NRK: variants seen among roughly 807,000 people sequenced by gnomAD.
NRK encodes nik-related protein kinase.
In NRK, 67 loss-of-function variants were observed where a neutral mutation model predicts 125.2. The observed-to-expected ratio is 0.54, with a 90% confidence interval of 0.44 to 0.66. The LOEUF (loss-of-function observed/expected upper bound fraction) is 0.66, where lower values mean the gene tolerates loss of function less well. NRK is among the 30% of genes least tolerant of loss of function. The probability of loss-of-function intolerance (pLI) is 0.00; values close to 1 mark genes in which losing one functional copy is unlikely to be tolerated. For missense variants in NRK, 1,224 were observed against 1,192.9 expected (o/e 1.03, Z -0.38); for synonymous variants, 458 against 429.0 (o/e 1.07, Z -0.84).
chrX:105,822,358 G>A (rs757808755), upstream of NRK, among the ~76,000 whole-genome samples: 2 of 111,813 alleles, frequency 1.8e-5, no homozygotes, highest in African/African-American at 6.5e-5. Context: ...GGGCCTGCTC[G>A]CAAACCGTTA....
intron 19 of NRK, among the ~76,000 whole-genome samples, chrX:105,925,325 C>T (rs1451017947): frequency 9.0e-6 from 1 of 110,910 alleles, no homozygotes; most frequent in Non-Finnish European, 1.9e-5. Flanking sequence ...AATTAATTGA[C>T]ACCTAATAAT....
chrX:105,848,325 A>G (rs750566021), intron 2 of NRK, among the ~76,000 whole-genome samples: 2 of 111,631 alleles, frequency 1.8e-5, no homozygotes, highest in Non-Finnish European at 3.8e-5. Flanking sequence ...TTTCCCAGGT[A>G]TTACCTAATA....
chrX:105,929,335 G>A (rs1602684703), intron 19 of NRK, among the ~76,000 whole-genome samples: 1 of 111,413 alleles, frequency 9.0e-6, no homozygotes, highest in African/African-American at 3.3e-5. Flanking sequence ...CTGTTTACAT[G>A]GAATATCTTT....
At chrX:105,953,283 AT>A in intron 28 of NRK, 110 bp downstream of exon 28, 1 of 640,655 alleles carries the variant, frequency 1.6e-6, no homozygotes, top group African/African-American at 2.3e-5. Flanking sequence ...TTTGTGGTAT[AT>A]TTTTTCAAAC....
At chrX:105,860,402 A>G (rs2039587020) in intron 2 of NRK, among the ~76,000 whole-genome samples, 1 of 111,379 alleles carries the variant, frequency 9.0e-6, no homozygotes, top group East Asian at 2.9e-4. Context: ...TTTAAAAATA[A>G]CAGCTTTATT....
In NRK at chrX:105,822,750, C is replaced by T; in HGVS notation, c.-96C>T. The T allele has an allele frequency of 3.6e-6, 3 of 841,592 alleles. No homozygotes were observed. The South Asian group carries it at 6.5e-5, about 18-fold the overall frequency. The allele number at this position is 841,592 out of a possible 1,213,427, so 69.4% of individuals were successfully genotyped here. Reference sequence around the variant, plus strand: ...CAGACTCCTCTCTCCCGCCCTCCTCCTTCCTCTCTCCTCCCTTCAACTCTT... The same window carrying T: ...CAGACTCCTCTCTCCCGCCCTCCTCTTTCCTCTCTCCTCCCTTCAACTCTT... On this transcript the variant is annotated 5_prime_UTR_variant, in exon 1 of 29. Coordinates refer to ENST00000243300, the MANE Select transcript of NRK (RefSeq NM_198465.4).
At chrX:105,878,737 C>T (rs1024981235) in intron 2 of NRK, among the ~76,000 whole-genome samples, 2 of 111,111 alleles carry the variant, frequency 1.8e-5, no homozygotes, top group Admixed American at 1.9e-4. Context: ...GGCTGGCATG[C>T]TCCGCCCTAA....
intron 2 of NRK, among the ~76,000 whole-genome samples, chrX:105,833,205 CTATT>C (rs1445761205): frequency 9.0e-6 from 1 of 110,907 alleles, no homozygotes; most frequent in Admixed American, 9.7e-5. Flanking sequence ...TTGATCATAT[CTATT>C]AACAGAACCA....
intron 2 of NRK, among the ~76,000 whole-genome samples, chrX:105,841,337 A>G (rs904788186): frequency 7.1e-5 from 8 of 111,988 alleles, no homozygotes; most frequent in Non-Finnish European, 1.1e-4. Context: ...TTTATCCTGC[A>G]GTTTTATTTT....
intron 13 of NRK, among the ~76,000 whole-genome samples, chrX:105,910,982 G>C (rs1293732149): frequency 9.0e-6 from 1 of 111,663 alleles, no homozygotes; most frequent in African/African-American, 3.3e-5. Flanking sequence ...CAAGGTCTAC[G>C]TGAGTCTAGG....
At chrX:105,919,813 G>A (rs1296262901) in intron 16 of NRK, among the ~76,000 whole-genome samples, 3 of 111,379 alleles carry the variant, frequency 2.7e-5, no homozygotes, top group Admixed American at 9.6e-5. Flanking sequence ...AGATGAGTAG[G>A]TTGCGAAAAT....
intron 4 of NRK, among the ~76,000 whole-genome samples, chrX:105,884,549 G>C (rs2039919050): frequency 9.0e-6 from 1 of 111,590 alleles, no homozygotes; most frequent in Non-Finnish European, 1.9e-5. Context: ...AATTAGCTAA[G>C]AGAGAAGGTA....
At chrX:105,862,068 T>C (rs762050653) in intron 2 of NRK, among the ~76,000 whole-genome samples, 21 of 93,145 alleles carry the variant, frequency 2.3e-4, no homozygotes, top group African/African-American at 1.0e-3. Context: ...TATCTATCTA[T>C]CTATTGATCT....
intron 27 of NRK, among the ~76,000 whole-genome samples, chrX:105,951,566 T>C (rs1463722925): frequency 1.8e-5 from 2 of 112,400 alleles, no homozygotes; most frequent in Non-Finnish European, 3.8e-5. Context: ...ACAACTGCTT[T>C]GTTATTTAAA....
intron 2 of NRK, among the ~76,000 whole-genome samples, chrX:105,844,464 C>T (rs138626007): frequency 0.017 from 1,871 of 112,127 alleles, 35 homozygotes; most frequent in African/African-American, 0.058. Flanking sequence ...CATAGCCTTA[C>T]TAAAATGGAA....
intron 1 of NRK, among the ~76,000 whole-genome samples, chrX:105,823,206 T>G (rs1329025576): frequency 5.3e-5 from 6 of 112,322 alleles, no homozygotes; most frequent in African/African-American, 1.9e-4. Context: ...CCGCCTTGTC[T>G]AGCGGAGCTC....
intron 1 of NRK, among the ~76,000 whole-genome samples, chrX:105,826,357 TATATA>T (rs903270743): frequency 6.0e-5 from 5 of 83,302 alleles, no homozygotes; most frequent in Admixed American, 1.5e-4. Context: ...ATATACATTA[TATATA>T]ATATATTATA....
intron 2 of NRK, among the ~76,000 whole-genome samples, chrX:105,860,728 C>G (rs987500029): frequency 2.7e-5 from 3 of 110,181 alleles, no homozygotes; most frequent in Non-Finnish European, 5.7e-5. Flanking sequence ...CTTTTATTGG[C>G]AAAAACTGCA....
chrX:105,934,864 ACAGTG>A lies in NRK; in HGVS notation c.3500-305_3500-301del, dbSNP rs1424960997. 3.6e-5 allele frequency among the ~76,000 whole-genome samples: 4 copies of A among 111,976 alleles called. No homozygotes were observed. The Admixed American group carries it at 3.8e-4, about 11-fold the overall frequency. The stretch of plus-strand genomic sequence containing the variant: ...CTCGCTCTGTCACTTAGGCTGGATT[ACAGTG>A]GCAGGATCATGGTACATGGTAGCCT... On this transcript the variant is annotated intron_variant, in intron 20 of 28. Coordinates refer to ENST00000243300, the MANE Select transcript of NRK (RefSeq NM_198465.4).
Sources: allele counts gnomAD v4.1 joint callset (sites outside exome capture counted in the v4.1 genomes callset), GRCh38; gene constraint gnomAD v4.1.1; transcripts MANE v1.5; gene names NCBI Gene and HGNC (gene_info 2026-07-23, HGNC 2026-07-21).